The following RBFOX1 variants were observed in gnomAD, a reference collection of about 807,000 sequenced individuals.
RBFOX1 encodes the protein RNA binding protein fox-1 homolog 1.
Under a neutral mutation model 57.7 loss-of-function variants are expected in RBFOX1, and 8 were observed. The ratio of observed to expected loss-of-function variants is 0.14; its 90% CI spans 0.08 to 0.25. The LOEUF (loss-of-function observed/expected upper bound fraction) is 0.25, where lower values mean the gene tolerates loss of function less well. RBFOX1 is among the 10% of genes least tolerant of loss of function. The probability of loss-of-function intolerance (pLI) is 1.00; values close to 1 mark genes in which losing one functional copy is unlikely to be tolerated. For missense variants in RBFOX1, 611 were observed against 548.5 expected, an observed-to-expected ratio of 1.11 and a Z score of -1.14; for synonymous variants, 326 against 222.4, an observed-to-expected ratio of 1.47 and a Z score of -4.15.
At chr16:5,779,094 A>G (rs2054242403) in intron 3 of RBFOX1, among the ~76,000 whole-genome samples, 1 of 152,190 alleles carries the variant, frequency 6.6e-6, no homozygotes, top group Non-Finnish European at 1.5e-5. Flanking sequence ...TGACTAAGTG[A>G]TCATGAACTC....
intron 14 of RBFOX1, chr16:7,693,402 CAA>C: frequency 7.2e-7 from 1 of 1,394,280 alleles, no homozygotes; most frequent in Non-Finnish European, 1.0e-6. Context: ...TGCATCCATC[CAA>C]GTCTCAGTAT....
chr16:5,523,457 A>G (rs1257098628), intron 2 of RBFOX1, among the ~76,000 whole-genome samples: 2 of 150,498 alleles, frequency 1.3e-5, no homozygotes, highest in Non-Finnish European at 2.9e-5. Flanking sequence ...TTTACAAAAA[A>G]TAAAAAAAAT....
chr16:7,021,591 AAATATTTTATTTTTTATAAAATAT>A (rs1458827854), intron 3 of RBFOX1, among the ~76,000 whole-genome samples: 41 of 145,604 alleles, frequency 2.8e-4, no homozygotes, highest in Admixed American at 2.2e-3. Flanking sequence ...TATAAAAGTA[AAATATTTTATTTTTTATAAAATAT>A]AATATTTTAT....
At chr16:6,669,797 T>G (rs2154108602) in intron 3 of RBFOX1, among the ~76,000 whole-genome samples, 1 of 152,182 alleles carries the variant, frequency 6.6e-6, no homozygotes, top group Admixed American at 6.5e-5. Context: ...ACTTCTAGCT[T>G]TTGGTTAAGG....
At chr16:7,398,790 T>C (rs1190590308) in intron 4 of RBFOX1, among the ~76,000 whole-genome samples, 2 of 152,190 alleles carry the variant, frequency 1.3e-5, no homozygotes, top group African/African-American at 4.8e-5. Context: ...GCTATTTTCA[T>C]TGTGGGGTTA....
At chr16:7,180,637 A>G (rs1307642908) in intron 4 of RBFOX1, among the ~76,000 whole-genome samples, 1 of 151,632 alleles carries the variant, frequency 6.6e-6, no homozygotes, top group East Asian at 1.9e-4. Context: ...GTTAGAAAGG[A>G]TTGCAAAAGA....
intron 1 of RBFOX1, among the ~76,000 whole-genome samples, chr16:6,281,188 C>G (rs934945300): frequency 6.6e-6 from 1 of 151,932 alleles, no homozygotes; most frequent in Non-Finnish European, 1.5e-5. Flanking sequence ...TGATACTGTG[C>G]AGCCAACTTT....
chr16:6,354,330 C>T (rs1169229752), intron 2 of RBFOX1, among the ~76,000 whole-genome samples: 2 of 152,150 alleles, frequency 1.3e-5, no homozygotes, highest in African/African-American at 4.8e-5. Flanking sequence ...CTGTCCATCA[C>T]CAGTCTCCAG....
intron 1 of RBFOX1, among the ~76,000 whole-genome samples, chr16:6,142,093 C>T (rs779099653): frequency 4.3e-5 from 6 of 138,218 alleles, no homozygotes; most frequent in African/African-American, 8.2e-5. Context: ...CTGCTTCTTG[C>T]TTCTGGCCTG....
chr16:7,168,299 C>T (rs67241118), intron 4 of RBFOX1, among the ~76,000 whole-genome samples: 1 of 150,878 alleles, frequency 6.6e-6, no homozygotes, highest in African/African-American at 2.4e-5. Flanking sequence ...ATGAAATGGA[C>T]CAAGGTCTGT....
intron 2 of RBFOX1, among the ~76,000 whole-genome samples, chr16:6,591,944 A>G (rs2153989744): frequency 6.6e-6 from 1 of 152,330 alleles, no homozygotes; most frequent in East Asian, 1.9e-4. Context: ...GAAGACAGAG[A>G]TGTTAAGTAA....
rs952066731 is a variant in RBFOX1 at position 7,363,808 on chromosome 16, C to T, written c.28-154339C>T. Among the ~76,000 whole-genome samples the T allele has an allele frequency of 2.0e-5, 3 of 152,142 alleles. No individual in the cohort carries two copies. In the East Asian group the frequency reaches 5.8e-4, roughly 30 times the overall value. ...GGTTTCAGGGGCCGAAAATAAGTGC[C>T]CAGAATCTCCCGTCAGTCTTCTTGA... On this transcript the variant is annotated intron_variant, in intron 4 of 15. Coordinates refer to ENST00000550418, the MANE Select transcript of RBFOX1 (RefSeq NM_018723.4).
chr16:6,868,498 G>C (rs772786956), intron 3 of RBFOX1, among the ~76,000 whole-genome samples: 6 of 151,930 alleles, frequency 3.9e-5, no homozygotes, highest in African/African-American at 9.7e-5. Context: ...TTTTGAGACA[G>C]TCTCACTCTG....
rs148485633 is a variant in RBFOX1, at chr16:5,438,527, C to T, written c.220-28689C>T. On this transcript the variant is annotated intron_variant, in intron 1 of 2. Coordinates refer to the RBFOX1 transcript ENST00000585867. ...TTATCCTGATCTCACCAGATATGCCCCCTGTTCTGCAGGAAAGGCTCCCCA... is the reference window on the plus strand; with the variant it reads ...TTATCCTGATCTCACCAGATATGCCTCCTGTTCTGCAGGAAAGGCTCCCCA... Among the ~76,000 whole-genome samples, 924 of 152,272 alleles carry T rather than the reference C, an allele frequency of 6.1e-3. 12 individuals are homozygous for T. Among genetic ancestry groups the T allele is most frequent in the African/African-American group, 0.021 (855 of 41,562 alleles).
At chr16:6,771,359 T>C (rs972243355) in intron 3 of RBFOX1, among the ~76,000 whole-genome samples, 3 of 152,180 alleles carry the variant, frequency 2.0e-5, no homozygotes, top group African/African-American at 7.2e-5. Flanking sequence ...TTCTTAGATA[T>C]GATGCAGATA....
intron 4 of RBFOX1, among the ~76,000 whole-genome samples, chr16:5,891,619 G>C (rs375184246): frequency 1.1e-4 from 17 of 152,304 alleles, no homozygotes; most frequent in African/African-American, 4.1e-4. Flanking sequence ...AGCTGGGTGA[G>C]GGTGCACCAG....
intron 3 of RBFOX1, among the ~76,000 whole-genome samples, chr16:6,688,925 A>G (rs2059828484): frequency 6.6e-6 from 1 of 152,042 alleles, no homozygotes. Context: ...CCTGAGAATG[A>G]TGGTTTCCAG....
chr16:6,149,908 C>T (rs1192973007), intron 1 of RBFOX1, among the ~76,000 whole-genome samples: 3 of 152,162 alleles, frequency 2.0e-5, no homozygotes, highest in Admixed American at 2.0e-4. Context: ...ATTATGTGCA[C>T]TGAACAAAAG....
chr16:5,706,612 G>T (rs576191220), intron 3 of RBFOX1, among the ~76,000 whole-genome samples: 3 of 152,244 alleles, frequency 2.0e-5, no homozygotes, highest in African/African-American at 4.8e-5. Context: ...ATTAAATCTT[G>T]CATTGTTTTA....
Sources: allele counts gnomAD v4.1 joint callset (sites outside exome capture counted in the v4.1 genomes callset), GRCh38; gene constraint gnomAD v4.1.1; transcripts MANE v1.5; gene names NCBI Gene and HGNC (gene_info 2026-07-23, HGNC 2026-07-21).